Variants in SLC29A4 observed in about 807,000 individuals in gnomAD.
SLC29A4 encodes the protein solute carrier family 29 member 4, also known as equilibrative nucleoside transporter 4.
In SLC29A4, 36 loss-of-function variants were observed where a neutral mutation model predicts 43.9. That is an observed-to-expected ratio of 0.82 (90% confidence interval 0.63 to 1.08). The LOEUF is 1.08. Among genes scored for constraint, SLC29A4 ranks in the 50% least tolerant of loss-of-function variants. The pLI, the probability that SLC29A4 is intolerant of heterozygous loss-of-function variation, is 0.00. For synonymous variants in SLC29A4, 491 were observed against 338.0 expected (o/e 1.45, Z -4.97); for missense variants, 869 against 755.3 (o/e 1.15, Z -1.77).
intron 1 of SLC29A4, among the ~76,000 whole-genome samples, chr7:5,286,025 A>AAACAAAT (rs1784922880): frequency 1.3e-5 from 2 of 151,772 alleles, no homozygotes; most frequent in South Asian, 4.2e-4. Flanking sequence ...AAAAAACAAA[A>AAACAAAT]AACAAAAAAA....
In SLC29A4 at chr7:5,302,787, T is replaced by G. The variant is rs763750952; in HGVS notation, c.1451-10T>G. On this transcript the variant is annotated splice_polypyrimidine_tract_variant and intron_variant, in intron 10 of 10. Transcript: ENST00000396872. ...TGGCCCTGCTCCCCTCAGGCTGGTG[T>G]TGTCCACAGGGAACACCATGACCGT... is the stretch of plus-strand genomic sequence containing the variant. 3.2e-6 allele frequency: 5 copies of G among 1,551,004 alleles called. No individual in the cohort carries two copies. Among genetic ancestry groups the G allele is most frequent in the South Asian group, 2.4e-5 (2 of 84,118 alleles).
Position 5,302,808 on chromosome 7 carries a change from A to T in SLC29A4, c.1462A>T (p.Thr488Ser), listed in dbSNP as rs1288563730. Residue 488 changes from threonine to serine, a missense_variant, in exon 11 of 11, where the codon ACC (threonine) becomes TCC (serine). Coordinates refer to ENST00000396872, the MANE Select transcript of SLC29A4 (RefSeq NM_153247.4). The stretch of plus-strand genomic sequence containing the variant: ...GGTGTTGTCCACAGGGAACACCATG[A>T]CCGTGTCCTACATGTCAGGGCTGAC... The part of the protein sequence containing the change: ...KQRELAGNTM[T>S]VSYMSGLTLG... The T allele has an allele frequency of 3.8e-6, 6 of 1,560,358 alleles. No individual in the cohort carries two copies. The highest frequency in any genetic ancestry group is 5.2e-6 in the Non-Finnish European group (6 of 1,152,484).
At chr7:5,291,628 C>T (rs1201027212) in intron 4 of SLC29A4, 65 bp from the exon 5 acceptor site, 28 of 1,509,958 alleles carry the variant, frequency 1.9e-5, no homozygotes, top group Middle Eastern at 2.5e-4. Flanking sequence ...GCAGGAGGGG[C>T]GAGGAGGAGG....
chr7:5,288,395 C>T (rs1785099013), intron 2 of SLC29A4, among the ~76,000 whole-genome samples: 2 of 150,450 alleles, frequency 1.3e-5, no homozygotes, highest in African/African-American at 4.9e-5. Flanking sequence ...AGCTCCGCCT[C>T]CTGGGTTCAC....
Position 5,299,089 on chromosome 7 carries a change from G to T in SLC29A4, c.984G>T (p.Pro328=), listed in dbSNP as rs372219167. ...GGGCCTACATGCGCTTTGATGTGCC[G>T]CGGCCAAGGGTCCAGCGCAGCTGGC... ...SGGAYMRFDV[P]RPRVQRSWPT... The change falls in exon 8 of 11, where the codon CCG becomes CCT. Residue 328 remains proline, a synonymous_variant. Coordinates refer to ENST00000396872, the MANE Select transcript of SLC29A4 (RefSeq NM_153247.4). The T allele has an allele frequency of 6.2e-7, 1 of 1,610,342 alleles. No individual in the cohort carries two copies. Among genetic ancestry groups the T allele is most frequent in the South Asian group, 1.1e-5 (1 of 90,924 alleles).
intron 9 of SLC29A4, among the ~76,000 whole-genome samples, 188 bp downstream of exon 9, chr7:5,299,615 T>C (rs1785989070): frequency 6.6e-6 from 1 of 152,150 alleles, no homozygotes; most frequent in African/African-American, 2.4e-5. Flanking sequence ...CTGATCCCAC[T>C]GGGGCGCTCC....
chr7:5,301,282 C>T (rs773326649), intron 10 of SLC29A4, among the ~76,000 whole-genome samples: 2 of 151,050 alleles, frequency 1.3e-5, no homozygotes, highest in Non-Finnish European at 2.9e-5. Context: ...AAAAAAATCC[C>T]AGATCGGCGT....
rs1188421081 is a variant in SLC29A4 at position 5,303,590 on chromosome 7, G to A, written c.*651G>A. The A allele has an allele frequency of 6.5e-6, 1 of 152,882 alleles. No individual in the cohort carries two copies. Among genetic ancestry groups the A allele is most frequent in the Non-Finnish European group, 1.5e-5 (1 of 68,554 alleles). 9.5% of individuals were successfully genotyped at this position (152,882 alleles called of 1,614,324 possible). A position where few individuals can be genotyped will look rare whatever the true frequency, so the allele number is the denominator to read the frequency against. ...GAAACCACAGCAGTGATGCCAGCTGGGCACGTCAGGACCTCCCCACACACC... is the reference window on the plus strand; with the variant it reads ...GAAACCACAGCAGTGATGCCAGCTGAGCACGTCAGGACCTCCCCACACACC... On this transcript the variant is annotated 3_prime_UTR_variant, in exon 11 of 11. Transcript: ENST00000396872.
chr7:5,297,697 C>T (rs1024431169), intron 7 of SLC29A4, among the ~76,000 whole-genome samples: 9 of 152,180 alleles, frequency 5.9e-5, no homozygotes, highest in East Asian at 1.9e-4. Flanking sequence ...TCAGGGATAA[C>T]CCTGGTTTCC....
chr7:5,288,274 C>T (rs1157025016), intron 2 of SLC29A4, among the ~76,000 whole-genome samples: 2 of 148,316 alleles, frequency 1.3e-5, no homozygotes, highest in African/African-American at 5.0e-5. Flanking sequence ...GGGACCATGG[C>T]TCATGCGCTG....
intron 9 of SLC29A4, 102 bp from the exon 10 acceptor site, chr7:5,300,320 C>T (rs764193574): frequency 8.3e-6 from 13 of 1,560,104 alleles, no homozygotes; most frequent in Non-Finnish European, 1.1e-5. Context: ...TGGACAGGCC[C>T]AGGAGTGTTT....
chr7:5,284,482 C>A (rs1249623439), intron 1 of SLC29A4, among the ~76,000 whole-genome samples: 2 of 152,222 alleles, frequency 1.3e-5, no homozygotes, highest in African/African-American at 4.8e-5. Flanking sequence ...CTCAAGGGCC[C>A]CCTGGGTCAG....
At position 5,300,770 on chromosome 7, in the gene SLC29A4, G is replaced by A. The variant is rs1011588828; in HGVS notation, c.1450+108G>A. The A allele has an allele frequency of 2.9e-5, 41 of 1,421,216 alleles. No individual in the cohort carries two copies. The African/African-American group carries it at 4.6e-4, about 16-fold the overall frequency. 88.0% of individuals were successfully genotyped at this position (1,421,216 alleles called of 1,614,324 possible). A position where few individuals can be genotyped will look rare whatever the true frequency, so the allele number is the denominator to read the frequency against. ...AGGAAGGTGCATTTGGGTTCCGGGGGTTCAGAACAGTCAGTGTCTGGGAGG... is the reference window on the plus strand; with the variant it reads ...AGGAAGGTGCATTTGGGTTCCGGGGATTCAGAACAGTCAGTGTCTGGGAGG... On this transcript the variant is annotated intron_variant, in intron 10 of 10. Coordinates refer to ENST00000396872, the MANE Select transcript of SLC29A4 (RefSeq NM_153247.4).
intron 1 of SLC29A4, 42 bp from the exon 2 acceptor site, chr7:5,287,767 G>A (rs746067157): frequency 6.3e-7 from 1 of 1,588,572 alleles, no homozygotes; most frequent in Non-Finnish European, 8.6e-7. Flanking sequence ...GGATCCCTCA[G>A]CCTTCTTCCC....
At chr7:5,290,666 G>A (rs945793586) in intron 2 of SLC29A4, 66 bp from the exon 3 acceptor site, 15 of 1,551,936 alleles carry the variant, frequency 9.7e-6, no homozygotes, top group Middle Eastern at 1.7e-4. Flanking sequence ...GGTGGACATC[G>A]CCCTGTGCGG....
At chr7:5,292,190 A>C (rs181241101) in intron 5 of SLC29A4, among the ~76,000 whole-genome samples, 3 of 152,152 alleles carry the variant, frequency 2.0e-5, no homozygotes, top group Non-Finnish European at 4.4e-5. Flanking sequence ...AGCTCACTGC[A>C]GCCTCAACCT....
rs765018748 is a variant in SLC29A4 at position 5,294,842 on chromosome 7, C to CTG, written c.545-17_545-16insGT. ...TGATAATGGTGCCTCTGGGTTGTTC[C>CTG]TCTCTCTCTCTCTTAAGTGCAGCAA... On this transcript the variant is annotated splice_polypyrimidine_tract_variant and intron_variant, in intron 5 of 10. Transcript: ENST00000396872. The CTG allele has an allele frequency of 8.5e-6, 9 of 1,053,554 alleles. No homozygotes were observed. The highest frequency in any genetic ancestry group is 1.2e-5 in the Non-Finnish European group (9 of 778,896). The allele number at this position is 1,053,554 out of a possible 1,614,324, so 65.3% of individuals were successfully genotyped here. A position where few individuals can be genotyped will look rare whatever the true frequency, so the allele number is the denominator to read the frequency against.
chr7:5,301,258 T>TG (rs34233459), intron 10 of SLC29A4, among the ~76,000 whole-genome samples: 2 of 123,354 alleles, frequency 1.6e-5, no homozygotes, highest in South Asian at 3.9e-4. Context: ...AGATCCTGTC[T>TG]GGGGAAAAAA....
chr7:5,298,872 C>T (rs1785911299), intron 7 of SLC29A4, 116 bp from the exon 8 acceptor site: 2 of 1,135,290 alleles, frequency 1.8e-6, no homozygotes, highest in South Asian at 1.5e-5. Context: ...CAGTAGGTAC[C>T]ACCTGAATGT....
Sources: allele counts gnomAD v4.1 joint callset (sites outside exome capture counted in the v4.1 genomes callset), GRCh38; gene constraint gnomAD v4.1.1; transcripts MANE v1.5; gene names NCBI Gene and HGNC (gene_info 2026-07-23, HGNC 2026-07-21).